The following USP7 variants were observed in gnomAD, a reference collection of about 807,000 sequenced individuals.
USP7 encodes ubiquitin C-terminal hydrolase 7.
USP7 carries 9 observed loss-of-function variants against 162.9 expected under a neutral mutation model. The ratio of observed to expected loss-of-function variants is 0.06; its 90% CI spans 0.03 to 0.10. USP7 has a LOEUF of 0.10. USP7 is among the 10% of genes least tolerant of loss of function. The pLI is 1.00. For synonymous variants in USP7, 562 were observed against 475.9 expected, an observed-to-expected ratio of 1.18 and a Z score of -2.35; for missense variants, 715 against 1,373.7, an observed-to-expected ratio of 0.52 and a Z score of 7.58.
intron 1 of USP7, among the ~76,000 whole-genome samples, chr16:8,935,053 T>C (rs1214404707): frequency 1.3e-5 from 2 of 152,242 alleles, no homozygotes; most frequent in Admixed American, 6.5e-5. Flanking sequence ...TGCCTTCTTT[T>C]ATTGTTCAAG....
intron 21 of USP7, chr16:8,899,961 C>T (rs1010372352): frequency 1.9e-5 from 12 of 638,062 alleles, no homozygotes; most frequent in Admixed American, 8.9e-5. Context: ...CTGAGCCAGG[C>T]GCAATGTAGT....
chr16:8,921,617 C>T (rs1290710657), intron 3 of USP7, among the ~76,000 whole-genome samples: 2 of 152,206 alleles, frequency 1.3e-5, no homozygotes, highest in Non-Finnish European at 2.9e-5. Flanking sequence ...CACCTCTCAG[C>T]GTTGCTCCTG....
chr16:8,955,215 G>GT (rs754310656), intron 1 of USP7, among the ~76,000 whole-genome samples: 29 of 152,088 alleles, frequency 1.9e-4, no homozygotes, highest in Non-Finnish European at 3.1e-4. Context: ...CGTATGGCTC[G>GT]TTTTTTTACA....
chr16:8,939,030 C>T (rs1194452373), intron 1 of USP7, among the ~76,000 whole-genome samples: 2 of 152,164 alleles, frequency 1.3e-5, no homozygotes, highest in African/African-American at 4.8e-5. Flanking sequence ...TTTCCCCTTA[C>T]AGCACCACTT....
At chr16:8,936,453 T>G in intron 1 of USP7, 2 of 952,678 alleles carry the variant, frequency 2.1e-6, no homozygotes. Context: ...GATCTTTATA[T>G]AAATTTTACT....
In USP7 at chr16:8,899,101, T is replaced by A. The variant is rs368420760; in HGVS notation, c.2531+20A>T. On this transcript the variant is annotated intron_variant, in intron 23 of 30. Coordinates refer to ENST00000344836, the MANE Select transcript of USP7 (RefSeq NM_003470.3). ...AAGCATGCAGTCAAGACCAAGCAAG[T>A]GTCCACACATGTGACCTACCCTTGA... 42 of 1,613,528 alleles carry A rather than the reference T, an allele frequency of 2.6e-5. No individual in the cohort carries two copies. Among genetic ancestry groups the A allele is most frequent in the African/African-American group, 4.0e-5 (3 of 74,912 alleles).
At position 8,963,509 on chromosome 16, in the gene USP7, G is replaced by A. The variant is rs1000488965; in HGVS notation, c.-224C>T. 1 of 139,346 alleles carries A rather than the reference G, an allele frequency of 7.2e-6. No individual in the cohort carries two copies. The highest frequency in any genetic ancestry group is 2.6e-5 in the African/African-American group (1 of 39,054). 8.6% of individuals were successfully genotyped at this position (139,346 alleles called of 1,614,324 possible). On this transcript the variant is annotated 5_prime_UTR_variant, in exon 1 of 31. Coordinates refer to ENST00000344836, the MANE Select transcript of USP7 (RefSeq NM_003470.3). ...CTTGCTCGCGATTCGCCCAATCTCG[G>A]CGCCGAGGCGGGCGGGCGGCCGGCG... is the stretch of plus-strand genomic sequence containing the variant.
intron 2 of USP7, among the ~76,000 whole-genome samples, chr16:8,924,342 C>A (rs558939796): frequency 6.6e-6 from 1 of 152,376 alleles, no homozygotes; most frequent in South Asian, 2.1e-4. Flanking sequence ...ACAGCAAAGT[C>A]AACATGCTAC....
chr16:8,952,770 AG>A (rs1237373718), intron 1 of USP7, among the ~76,000 whole-genome samples: 2 of 151,948 alleles, frequency 1.3e-5, no homozygotes, highest in Non-Finnish European at 2.9e-5. Context: ...CTAAACCTCT[AG>A]TCACAGAGTC....
Position 8,893,477 on chromosome 16 carries a change from C to T in USP7, c.*521G>A, listed in dbSNP as rs555330122. On this transcript the variant is annotated 3_prime_UTR_variant, in exon 31 of 31. Coordinates refer to ENST00000344836, the MANE Select transcript of USP7 (RefSeq NM_003470.3). ...GGAGGAGGAGAACCCGAGGAAGGGC[C>T]GACAATGCACACAATGAAGGGAAGA... 2 of 154,412 alleles carry T rather than the reference C, an allele frequency of 1.3e-5. No homozygotes were observed. The highest frequency in any genetic ancestry group is 2.4e-5 in the African/African-American group (1 of 41,418). 9.6% of individuals were successfully genotyped at this position (154,412 alleles called of 1,614,324 possible).
intron 18 of USP7, 96 bp downstream of exon 18, chr16:8,901,986 C>CA: frequency 2.0e-6 from 2 of 1,009,962 alleles, no homozygotes; most frequent in Non-Finnish European, 3.0e-6. Flanking sequence ...CATCTTTCTG[C>CA]AAGGGAAGAA....
intron 10 of USP7, among the ~76,000 whole-genome samples, chr16:8,911,868 G>A (rs950845671): frequency 1.3e-5 from 2 of 152,144 alleles, no homozygotes; most frequent in Non-Finnish European, 2.9e-5. Context: ...GGATTGGGGG[G>A]AACAACCTTC....
intron 2 of USP7, among the ~76,000 whole-genome samples, chr16:8,924,259 G>A (rs1441837049): frequency 1.3e-5 from 2 of 152,196 alleles, no homozygotes; most frequent in Admixed American, 6.5e-5. Flanking sequence ...CGACTCCTGC[G>A]AAGGCACAGT....
chr16:8,905,159 G>A lies in USP7; in HGVS notation c.1573+28C>T, dbSNP rs370416755. On this transcript the variant is annotated intron_variant, in intron 14 of 30. Coordinates refer to ENST00000344836, the MANE Select transcript of USP7 (RefSeq NM_003470.3). ...AAATGTCCAAGTCCACCACAGTAAA[G>A]AACAGAACAAAAGTGAACACTACTC... is the stretch of plus-strand genomic sequence containing the variant. 6.3e-5 allele frequency: 102 copies of A among 1,607,418 alleles called. No homozygotes were observed. In the African/African-American group the frequency reaches 1.3e-3, roughly 20 times the overall value.
At chr16:8,931,335 T>C (rs971429520) in intron 1 of USP7, among the ~76,000 whole-genome samples, 1 of 152,096 alleles carries the variant, frequency 6.6e-6, no homozygotes, top group African/African-American at 2.4e-5. Flanking sequence ...ATTAGAAGCA[T>C]GTGCCACCAC....
chr16:8,943,387 G>A (rs1031092084), intron 1 of USP7, among the ~76,000 whole-genome samples: 3 of 151,242 alleles, frequency 2.0e-5, no homozygotes, highest in East Asian at 1.9e-4. Context: ...GCTCAACTGT[G>A]CAGCACAATG....
At chr16:8,922,234 A>G (rs1228598659) in intron 3 of USP7, among the ~76,000 whole-genome samples, 2 of 152,248 alleles carry the variant, frequency 1.3e-5, no homozygotes, top group African/African-American at 4.8e-5. Flanking sequence ...CACGCCTGTA[A>G]TCCCAGCACT....
chr16:8,893,647 A>G lies in USP7; in HGVS notation c.*351T>C. On this transcript the variant is annotated 3_prime_UTR_variant, in exon 31 of 31. Transcript: ENST00000344836. ...AGGGCTGGTGCACGGGACCCCAGGA[A>G]GGCAGCCGAGCCACTCGTGCCCACT... 1 of 239,172 alleles carries G rather than the reference A, an allele frequency of 4.2e-6. No homozygotes were observed. Among genetic ancestry groups the G allele is most frequent in the South Asian group, 6.1e-5 (1 of 16,280 alleles). 14.8% of individuals were successfully genotyped at this position (239,172 alleles called of 1,614,324 possible).
chr16:8,917,730 C>T (rs1386127504), intron 6 of USP7, among the ~76,000 whole-genome samples: 2 of 152,106 alleles, frequency 1.3e-5, no homozygotes, highest in African/African-American at 4.8e-5. Context: ...AAACAAAAAA[C>T]AAAATCAGCC....
Sources: gnomAD v4.1 joint callset for allele counts (sites outside exome capture counted in the v4.1 genomes callset) on GRCh38, gnomAD v4.1.1 for gene constraint, MANE v1.5 for transcripts, NCBI Gene and HGNC (gene_info 2026-07-23, HGNC 2026-07-21) for gene names.